The following ZNF730 variants were observed in gnomAD, a reference collection of about 807,000 sequenced individuals.
The protein encoded by ZNF730 is zinc finger protein 730, also known as putative zinc finger protein 730.
ZNF730 carries 12 observed loss-of-function variants against 12.6 expected under a neutral mutation model. The ratio of observed to expected loss-of-function variants is 0.95; its 90% confidence interval spans 0.61 to 1.54. The LOEUF (loss-of-function observed/expected upper bound fraction) is 1.54, where lower values mean the gene tolerates loss of function less well. Among genes scored for constraint, ZNF730 ranks in the 40% most tolerant of loss-of-function variants. The probability of loss-of-function intolerance (pLI) is 0.00; values close to 1 mark genes in which losing one functional copy is unlikely to be tolerated. For missense variants in ZNF730, 643 were observed against 583.5 expected, an observed-to-expected ratio of 1.10 and a Z score of -1.05; for synonymous variants, 194 against 195.8, an observed-to-expected ratio of 0.99 and a Z score of 0.08.
At chr19:23,081,567 G>A (rs996070426) in intron 1 of ZNF730, among the ~76,000 whole-genome samples, 2 of 151,978 alleles carry the variant, frequency 1.3e-5, no homozygotes, top group African/African-American at 4.8e-5. Flanking sequence ...TGATCCACCC[G>A]CCTCGGCTTC....
chr19:23,092,934 C>T (rs1022373007), intron 1 of ZNF730, among the ~76,000 whole-genome samples: 3 of 152,066 alleles, frequency 2.0e-5, no homozygotes, highest in African/African-American at 4.8e-5. Flanking sequence ...TGAAGATTGT[C>T]CTGGCCTCAT....
chr19:23,090,653 A>C (rs1970142596), intron 1 of ZNF730, among the ~76,000 whole-genome samples: 1 of 152,148 alleles, frequency 6.6e-6, no homozygotes, highest in African/African-American at 2.4e-5. Flanking sequence ...AGGCCATGTC[A>C]GAGATTTTCA....
At chr19:23,075,551 G>GGGACCCCCAGCGTCTCGCCGCGTCCC (rs1184036229) in intron 1 of ZNF730, among the ~76,000 whole-genome samples, 5 of 152,108 alleles carry the variant, frequency 3.3e-5, no homozygotes, top group Non-Finnish European at 5.9e-5. Context: ...GCCCGCGGCC[G>GGGACCCCCAGCGTCTCGCCGCGTCCC]GGACCCCCAG....
At chr19:23,091,134 G>C (rs1206571523) in intron 1 of ZNF730, among the ~76,000 whole-genome samples, 1 of 152,210 alleles carries the variant, frequency 6.6e-6, no homozygotes, top group African/African-American at 2.4e-5. Flanking sequence ...CCAATGTACA[G>C]CTTTGGCTGT....
At chr19:23,140,431 G>A (rs1482933584) in intron 3 of ZNF730, among the ~76,000 whole-genome samples, 1 of 150,830 alleles carries the variant, frequency 6.6e-6, no homozygotes, top group Non-Finnish European at 1.5e-5. Flanking sequence ...CCAACATGGT[G>A]AGACCCCATC....
At chr19:23,133,307 G>A (rs1970769402) in intron 1 of ZNF730, among the ~76,000 whole-genome samples, 1 of 152,008 alleles carries the variant, frequency 6.6e-6, no homozygotes, top group South Asian at 2.1e-4. Flanking sequence ...CATAAATATT[G>A]GCATCACTGG....
chr19:23,090,445 G>C (rs1328217806), intron 1 of ZNF730, among the ~76,000 whole-genome samples: 1 of 152,156 alleles, frequency 6.6e-6, no homozygotes, highest in East Asian at 1.9e-4. Context: ...AAGCATTCAA[G>C]AGGTGACTTG....
intron 1 of ZNF730, among the ~76,000 whole-genome samples, chr19:23,075,891 A>AT (rs996061701): frequency 1.8e-4 from 27 of 151,970 alleles, no homozygotes; most frequent in Non-Finnish European, 3.1e-4. Flanking sequence ...CTGGCCTAAT[A>AT]TATTAATTTA....
upstream of ZNF730, among the ~76,000 whole-genome samples, chr19:23,115,325 G>A (rs1274387794): frequency 6.6e-6 from 1 of 152,178 alleles, no homozygotes; most frequent in Non-Finnish European, 1.5e-5. Context: ...TCATGTGAAA[G>A]AGTTGTATAA....
intron 1 of ZNF730, among the ~76,000 whole-genome samples, chr19:23,107,449 C>CAAAAAAAAAAAAAAAAAAAAAAAAAAA (rs57120684): frequency 2.1e-5 from 1 of 47,320 alleles, no homozygotes; most frequent in Non-Finnish European, 3.6e-5. Flanking sequence ...AAAAAAATAC[C>CAAAAAAAAAAAAAAAAAAAAAAAAAAA]AAAAAAAAAA....
rs186606576 is a variant in ZNF730 at position 23,136,181 on chromosome 19, T to C, written c.226+138T>C. 47 of 607,948 alleles carry C rather than the reference T, an allele frequency of 7.7e-5. No individual in the cohort carries two copies. The Admixed American group carries it at 1.2e-3, about 15-fold the overall frequency. The allele number at this position is 607,948 out of a possible 1,614,324, so 37.7% of individuals were successfully genotyped here. ...TTCTGTTTCTTTTTATTTATTTTGCTTTTTATTTATTTTTTTTCCTCTCAC... is the reference window on the plus strand; with the variant it reads ...TTCTGTTTCTTTTTATTTATTTTGCCTTTTATTTATTTTTTTTCCTCTCAC... On this transcript the variant is annotated intron_variant, in intron 3 of 3. Coordinates refer to ENST00000597761, the MANE Select transcript of ZNF730 (RefSeq NM_001277403.2).
At chr19:23,134,292 G>GT (rs1310438801) in intron 2 of ZNF730, 86 bp downstream of exon 2, 6 of 1,215,078 alleles carry the variant, frequency 4.9e-6, no homozygotes, top group Middle Eastern at 2.1e-4. Context: ...CAGATCCCGG[G>GT]TTTTTTTCTT....
intron 1 of ZNF730, among the ~76,000 whole-genome samples, chr19:23,122,390 G>C (rs1172922177): frequency 6.6e-6 from 1 of 152,024 alleles, no homozygotes; most frequent in African/African-American, 2.4e-5. Context: ...TGATCCTCCT[G>C]CCTTGGCCTC....
chr19:23,106,899 ATTC>A (rs1269747104), intron 1 of ZNF730, among the ~76,000 whole-genome samples: 1 of 152,160 alleles, frequency 6.6e-6, no homozygotes, highest in East Asian at 1.9e-4. Flanking sequence ...CACAAACTGT[ATTC>A]TTGTTGTTTT....
chr19:23,075,901 A>G (rs1372425327), intron 1 of ZNF730, among the ~76,000 whole-genome samples: 1 of 152,026 alleles, frequency 6.6e-6, no homozygotes, highest in Non-Finnish European at 1.5e-5. Context: ...ATATTAATTT[A>G]TAAGAAATGC....
At chr19:23,114,370 G>A (rs187343089), upstream of ZNF730, among the ~76,000 whole-genome samples, 1,725 of 142,652 alleles carry the variant, frequency 0.012, 29 homozygotes, top group African/African-American at 0.043. Context: ...GCAGTGGAGC[G>A]ATCTCGGCTC....
chr19:23,136,194 T>A (rs1054558129), intron 3 of ZNF730, 151 bp downstream of exon 3: 1 of 536,870 alleles, frequency 1.9e-6, no homozygotes, highest in South Asian at 3.9e-5. Context: ...TTATTTATTT[T>A]TTTTCCTCTC....
chr19:23,137,964 G>T (rs1201085270), intron 3 of ZNF730, among the ~76,000 whole-genome samples: 1 of 152,216 alleles, frequency 6.6e-6, no homozygotes, highest in Non-Finnish European at 1.5e-5. Context: ...CATATATGGT[G>T]GGCTTTATAT....
chr19:23,120,726 C>G (rs139748846), intron 1 of ZNF730, among the ~76,000 whole-genome samples: 1 of 151,994 alleles, frequency 6.6e-6, no homozygotes, highest in African/African-American at 2.4e-5. Flanking sequence ...ATCTTCTTGT[C>G]TTCTGCTAGC....
Sources: allele counts gnomAD v4.1 joint callset (sites outside exome capture counted in the v4.1 genomes callset), GRCh38; gene constraint gnomAD v4.1.1; transcripts MANE v1.5; gene names NCBI Gene and HGNC (gene_info 2026-07-23, HGNC 2026-07-21).